CADM2: variants seen among roughly 807,000 people sequenced by gnomAD.
The protein encoded by CADM2 is immunoglobulin superfamily member 4D.
A neutral mutation model predicts 49.8 loss-of-function variants in CADM2; 12 were observed. That is an observed-to-expected ratio of 0.24 (90% CI 0.15 to 0.39). The LOEUF (loss-of-function observed/expected upper bound fraction) is 0.39, where lower values mean the gene tolerates loss of function less well. CADM2 is among the 10% of genes least tolerant of loss of function. CADM2 has a pLI of 1.00. For synonymous variants in CADM2, 214 were observed against 175.4 expected, an observed-to-expected ratio of 1.22 and a Z score of -1.74; for missense variants, 378 against 492.3, an observed-to-expected ratio of 0.77 and a Z score of 2.20.
intron 1 of CADM2, among the ~76,000 whole-genome samples, chr3:84,975,486 T>C (rs1348139618): frequency 2.0e-5 from 3 of 151,858 alleles, no homozygotes; most frequent in Admixed American, 2.0e-4. Flanking sequence ...ATTATATATT[T>C]TCTAATGAAA....
intron 8 of CADM2, among the ~76,000 whole-genome samples, chr3:85,963,139 T>C (rs1180936384): frequency 6.6e-6 from 1 of 151,966 alleles, no homozygotes; most frequent in African/African-American, 2.4e-5. Context: ...AGTTGCATTA[T>C]TGTATAAAAT....
intron 1 of CADM2, among the ~76,000 whole-genome samples, chr3:85,557,649 C>G (rs1162792410): frequency 1.3e-5 from 2 of 151,988 alleles, no homozygotes; most frequent in Non-Finnish European, 2.9e-5. Flanking sequence ...TAGTTTTACA[C>G]TGTTGTGATA....
chr3:85,752,212 C>T (rs2068890215), intron 2 of CADM2, among the ~76,000 whole-genome samples: 2 of 151,988 alleles, frequency 1.3e-5, no homozygotes, highest in Admixed American at 1.3e-4. Flanking sequence ...AAAGATGAGG[C>T]CTAGCCAGCA....
intron 1 of CADM2, among the ~76,000 whole-genome samples, chr3:85,638,139 A>G (rs1170621757): frequency 6.6e-6 from 1 of 152,192 alleles, no homozygotes; most frequent in African/African-American, 2.4e-5. Context: ...TTGAATATGT[A>G]GATATTACAG....
intron 1 of CADM2, among the ~76,000 whole-genome samples, chr3:85,378,377 C>T (rs1182611844): frequency 6.6e-6 from 1 of 151,944 alleles, no homozygotes; most frequent in Non-Finnish European, 1.5e-5. Context: ...GTGTCTTTTT[C>T]TTCTTCAGAG....
At chr3:85,316,113 A>T (rs2044458858) in intron 1 of CADM2, among the ~76,000 whole-genome samples, 1 of 152,106 alleles carries the variant, frequency 6.6e-6, no homozygotes, top group African/African-American at 2.4e-5. Flanking sequence ...ACAAGAGCAA[A>T]ATAACATGAA....
At chr3:85,253,216 G>T (rs1396615944) in intron 1 of CADM2, among the ~76,000 whole-genome samples, 2 of 152,000 alleles carry the variant, frequency 1.3e-5, no homozygotes, top group African/African-American at 4.8e-5. Context: ...CCTATCAATA[G>T]ATATACAATA....
chr3:85,214,606 T>C (rs1423990085), intron 1 of CADM2, among the ~76,000 whole-genome samples: 3 of 151,790 alleles, frequency 2.0e-5, no homozygotes, highest in Non-Finnish European at 4.4e-5. Flanking sequence ...GTAGGGTACC[T>C]TAGGAATCTA....
intron 1 of CADM2, among the ~76,000 whole-genome samples, chr3:85,565,447 A>G (rs144889738): frequency 3.3e-5 from 5 of 152,216 alleles, no homozygotes; most frequent in African/African-American, 1.2e-4. Context: ...ATACAACTTC[A>G]GGATACTTCT....
At chr3:84,991,457 A>G (rs2032880970) in intron 1 of CADM2, among the ~76,000 whole-genome samples, 1 of 152,160 alleles carries the variant, frequency 6.6e-6, no homozygotes, top group African/African-American at 2.4e-5. Flanking sequence ...GCTCTCTACT[A>G]TATCATAAAG....
chr3:86,028,779 A>G (rs1412063866), intron 8 of CADM2, among the ~76,000 whole-genome samples: 2 of 152,132 alleles, frequency 1.3e-5, no homozygotes, highest in Non-Finnish European at 2.9e-5. Flanking sequence ...CAATTACATA[A>G]CTTTCTTAAT....
intron 1 of CADM2, among the ~76,000 whole-genome samples, chr3:84,962,594 AG>A (rs1165302594): frequency 6.6e-6 from 1 of 152,094 alleles, no homozygotes; most frequent in Non-Finnish European, 1.5e-5. Context: ...CGGGGAGAAA[AG>A]GGTGGCGGGG....
intron 8 of CADM2, among the ~76,000 whole-genome samples, chr3:86,020,271 C>T (rs915355457): frequency 3.8e-4 from 58 of 151,508 alleles, no homozygotes; most frequent in African/African-American, 1.4e-3. Context: ...CATACACTCT[C>T]CCAAGACTAA....
intron 8 of CADM2, chr3:86,028,132 C>T (rs944277882): frequency 6.7e-6 from 1 of 149,738 alleles, no homozygotes; most frequent in Non-Finnish European, 1.5e-5. Context: ...AGCACACCAA[C>T]ATGGCACATG....
Position 85,215,074 on chromosome 3 carries a change from G to A in CADM2, c.61+255406G>A, listed in dbSNP as rs141346920. On this transcript the variant is annotated intron_variant, in intron 1 of 9. Transcript: ENST00000383699. The stretch of plus-strand genomic sequence containing the variant: ...GCTAAGAATGCTTTGGATCACACCT[G>A]AAGCCAGGACCACCCTGGGTCTCAC... 4.6e-3 allele frequency among the ~76,000 whole-genome samples: 707 copies of A among 152,130 alleles called. 1 individual carries two copies. The highest frequency in any genetic ancestry group is 0.037 in the Middle Eastern group (11 of 294).
intron 6 of CADM2, among the ~76,000 whole-genome samples, chr3:85,913,309 T>G (rs372063958): frequency 1.3e-5 from 2 of 151,286 alleles, no homozygotes; most frequent in African/African-American, 2.5e-5. Flanking sequence ...ATGAATGAAT[T>G]GAAACATGTG....
intron 1 of CADM2, among the ~76,000 whole-genome samples, chr3:85,072,857 T>C (rs2107477829): frequency 6.6e-6 from 1 of 152,226 alleles, no homozygotes; most frequent in African/African-American, 2.4e-5. Context: ...GTTTTTTTTA[T>C]CCCTGTGATT....
intron 1 of CADM2, among the ~76,000 whole-genome samples, chr3:85,405,290 T>C (rs879670981): frequency 2.6e-5 from 4 of 152,186 alleles, no homozygotes; most frequent in Non-Finnish European, 5.9e-5. Context: ...TTGATAATAG[T>C]ACAAATAGCA....
chr3:86,024,133 T>C (rs1317582650), intron 8 of CADM2, among the ~76,000 whole-genome samples: 1 of 152,178 alleles, frequency 6.6e-6, no homozygotes, highest in South Asian at 2.1e-4. Flanking sequence ...TTCCCCCAAA[T>C]AGCTTCAGTG....
Sources: gnomAD v4.1 joint callset for allele counts (sites outside exome capture counted in the v4.1 genomes callset) on GRCh38, gnomAD v4.1.1 for gene constraint, MANE v1.5 for transcripts, NCBI Gene and HGNC (gene_info 2026-07-23, HGNC 2026-07-21) for gene names.